Variants in SPATS2 observed in about 807,000 individuals in gnomAD.
SPATS2 encodes the protein spermatogenesis associated serine rich 2.
In SPATS2, 38 loss-of-function variants were observed where a neutral mutation model predicts 63.7. That is an observed-to-expected ratio of 0.60 (90% CI 0.46 to 0.78). The LOEUF (loss-of-function observed/expected upper bound fraction) is 0.78, where lower values mean the gene tolerates loss of function less well. Ranked by LOEUF, SPATS2 falls within the 30% of genes least tolerant of loss-of-function variation. SPATS2 has a pLI of 0.00. For missense variants in SPATS2, 588 were observed against 666.2 expected (o/e 0.88, Z 1.29); for synonymous variants, 207 against 232.9 (o/e 0.89, Z 1.01).
chr12:49,430,601 A>AT (rs1945169143), intron 2 of SPATS2, among the ~76,000 whole-genome samples: 1 of 152,190 alleles, frequency 6.6e-6, no homozygotes. Context: ...TTCTTGACAC[A>AT]TTTCATGAAC....
chr12:49,371,862 C>G lies in SPATS2; in HGVS notation c.-244+572C>G, dbSNP rs11168992. Among the ~76,000 whole-genome samples the G allele has an allele frequency of 4.3e-3, 661 of 152,166 alleles. 1 individual carries two copies. Among genetic ancestry groups the G allele is most frequent in the African/African-American group, 0.015 (640 of 41,518 alleles). On this transcript the variant is annotated intron_variant, in intron 2 of 13. Coordinates refer to ENST00000552918, the MANE Select transcript of SPATS2 (RefSeq NM_023071.4). ...ACCACCCCAATATTCCAGTCACCTC[C>G]CACCAGGCCCCACCTTCAACACTGG...
At chr12:49,444,907 T>C in intron 2 of SPATS2, among the ~76,000 whole-genome samples, 1 of 152,334 alleles carries the variant, frequency 6.6e-6, no homozygotes, top group Non-Finnish European at 1.5e-5. Flanking sequence ...CCCAGCCAGA[T>C]ACCATTACTT....
At chr12:49,375,155 T>A (rs1165519469) in intron 2 of SPATS2, among the ~76,000 whole-genome samples, 4 of 117,644 alleles carry the variant, frequency 3.4e-5, no homozygotes, top group Non-Finnish European at 5.2e-5. Flanking sequence ...TGTGTGTGTG[T>A]GTGTGTGTGT....
Position 49,490,598 on chromosome 12 carries a change from A to G in SPATS2, c.215-84A>G, listed in dbSNP as rs542080698. ...TAGGAGCTTTGTAAATTCTCCAGCA[A>G]TTACAAAATGGGAGGACACTGACTC... On this transcript the variant is annotated intron_variant, in intron 5 of 13. Transcript: ENST00000552918. The G allele has an allele frequency of 7.3e-5, 94 of 1,283,116 alleles. No homozygotes were observed. The East Asian group carries it at 1.1e-3, about 15-fold the overall frequency. 79.5% of individuals were successfully genotyped at this position (1,283,116 alleles called of 1,614,324 possible). A position where few individuals can be genotyped will look rare whatever the true frequency, so the allele number is the denominator to read the frequency against.
At chr12:49,367,254 A>C (rs1565686582), upstream of SPATS2, 1 of 294,664 alleles carries the variant, frequency 3.4e-6, no homozygotes, top group Non-Finnish European at 6.3e-6. Flanking sequence ...CGCCGGCGCG[A>C]GTACGCGCCC....
intron 3 of SPATS2, among the ~76,000 whole-genome samples, chr12:49,461,516 A>C (rs1945822441): frequency 6.6e-6 from 1 of 152,252 alleles, no homozygotes; most frequent in Admixed American, 6.5e-5. Context: ...AGGGAAGGAC[A>C]ACAAAGACTT....
At chr12:49,405,810 G>A (rs1309878296) in intron 2 of SPATS2, among the ~76,000 whole-genome samples, 2 of 152,150 alleles carry the variant, frequency 1.3e-5, no homozygotes, top group East Asian at 3.8e-4. Flanking sequence ...TTTATTAGAC[G>A]ACTTTCGTGT....
At chr12:49,522,715 G>A in intron 11 of SPATS2, 36 bp from the exon 12 acceptor site, 1 of 1,542,536 alleles carries the variant, frequency 6.5e-7, no homozygotes, top group East Asian at 2.2e-5. Flanking sequence ...GATGTTGTTT[G>A]TCTAACCTGG....
intron 2 of SPATS2, among the ~76,000 whole-genome samples, chr12:49,424,319 C>G (rs548710064): frequency 3.2e-4 from 49 of 152,310 alleles, no homozygotes; most frequent in African/African-American, 1.1e-3. Context: ...CCATCTTCTT[C>G]TGAGACATCT....
intron 9 of SPATS2, among the ~76,000 whole-genome samples, chr12:49,513,234 TGTTTGA>T (rs979689090): frequency 6.7e-5 from 10 of 149,184 alleles, no homozygotes; most frequent in African/African-American, 2.4e-4. Context: ...TGTGTGTGTG[TGTTTGA>T]GTGTGATTAC....
chr12:49,371,870 C>A (rs1391332853), intron 2 of SPATS2, among the ~76,000 whole-genome samples: 1 of 151,982 alleles, frequency 6.6e-6, no homozygotes, highest in Non-Finnish European at 1.5e-5. Flanking sequence ...TCCCACCAGG[C>A]CCCACCTTCA....
At chr12:49,414,927 TTCTTTTTCTTTTC>T (rs1437737218) in intron 2 of SPATS2, among the ~76,000 whole-genome samples, 3 of 146,610 alleles carry the variant, frequency 2.0e-5, no homozygotes, top group African/African-American at 7.8e-5. Context: ...TTTTCTTTTT[TTCTTTTTCTTTTC>T]TTTTTTTTTT....
chr12:49,497,648 C>T (rs141632686), intron 8 of SPATS2, among the ~76,000 whole-genome samples: 2,428 of 152,202 alleles, frequency 0.016, 30 homozygotes, highest in East Asian at 0.051. Flanking sequence ...CCTGTCTCGG[C>T]CTCCCAAAGT....
At chr12:49,505,118 G>T (rs1159404177) in intron 9 of SPATS2, among the ~76,000 whole-genome samples, 1 of 151,848 alleles carries the variant, frequency 6.6e-6, no homozygotes, top group Non-Finnish European at 1.5e-5. Context: ...AGGCTTTTAA[G>T]TCCTTACATT....
chr12:49,495,058 C>G, intron 7 of SPATS2, 56 bp downstream of exon 7: 1 of 1,452,286 alleles, frequency 6.9e-7, no homozygotes, highest in Non-Finnish European at 9.1e-7. Flanking sequence ...ACAGGGTTCT[C>G]CTCGTTGAGA....
intron 2 of SPATS2, among the ~76,000 whole-genome samples, chr12:49,434,407 C>A: frequency 6.6e-6 from 1 of 152,236 alleles, no homozygotes. Context: ...CTTATCATCA[C>A]CCCAACAAAA....
chr12:49,422,714 CT>C (rs1464888447), intron 2 of SPATS2, among the ~76,000 whole-genome samples: 1 of 152,054 alleles, frequency 6.6e-6, no homozygotes, highest in Non-Finnish European at 1.5e-5. Flanking sequence ...CGAGATCAGC[CT>C]GCGCAAGGCA....
chr12:49,465,684 C>G (rs1158351608), intron 3 of SPATS2, among the ~76,000 whole-genome samples: 2 of 152,200 alleles, frequency 1.3e-5, no homozygotes, highest in African/African-American at 2.4e-5. Flanking sequence ...TGGCTCACAG[C>G]TATAATCCCA....
At chr12:49,486,109 G>T (rs1946288196) in intron 4 of SPATS2, 1 of 397,680 alleles carries the variant, frequency 2.5e-6, no homozygotes, top group Non-Finnish European at 5.0e-6. Flanking sequence ...CTGTACAGTG[G>T]TTGAGTACTA....
Sources: allele counts gnomAD v4.1 joint callset (sites outside exome capture counted in the v4.1 genomes callset), GRCh38; gene constraint gnomAD v4.1.1; transcripts MANE v1.5; gene names NCBI Gene and HGNC (gene_info 2026-07-23, HGNC 2026-07-21).